Variants in PROM1 observed in about 807,000 individuals in gnomAD.
PROM1 encodes prominin-1.
PROM1 carries 105 observed loss-of-function variants against 116.9 expected under a neutral mutation model. The observed-to-expected ratio is 0.90, with a 90% CI of 0.77 to 1.06. The LOEUF is 1.06. Among genes scored for constraint, PROM1 ranks in the 50% least tolerant of loss-of-function variants. The pLI is 0.00. For synonymous variants in PROM1, 393 were observed against 387.0 expected (o/e 1.02, Z -0.18); for missense variants, 1,122 against 1,045.2 (o/e 1.07, Z -1.01).
At chr4:16,024,818 T>G (rs1232114642) in intron 6 of PROM1, among the ~76,000 whole-genome samples, 2 of 152,174 alleles carry the variant, frequency 1.3e-5, no homozygotes, top group Admixed American at 6.5e-5. Flanking sequence ...ATGGTTTCAT[T>G]ACAAGAGTAA....
intron 1 of PROM1, among the ~76,000 whole-genome samples, chr4:16,077,307 G>A (rs573956944): frequency 9.0e-4 from 137 of 152,248 alleles, no homozygotes; most frequent in Non-Finnish European, 1.8e-3. Flanking sequence ...GATGTTTATG[G>A]GTATGCATAT....
chr4:15,999,581 T>C (rs1245860083), intron 14 of PROM1, among the ~76,000 whole-genome samples: 1 of 152,116 alleles, frequency 6.6e-6, no homozygotes, highest in African/African-American at 2.4e-5. Flanking sequence ...TTTTGAAATA[T>C]CCCGTACTTA....
intron 2 of PROM1, among the ~76,000 whole-genome samples, chr4:16,052,519 C>G (rs1298046675): frequency 6.6e-6 from 1 of 152,204 alleles, no homozygotes. Context: ...CTTGGTCACT[C>G]AGGCTGGAGT....
Position 15,985,973 on chromosome 4 carries a change from G to T in PROM1, c.2195C>A (p.Ser732Tyr). 8.1e-7 allele frequency: 1 copy of T among 1,241,970 alleles called. No individual in the cohort carries two copies. The highest frequency in any genetic ancestry group is 1.6e-5 in the South Asian group (1 of 63,836). 76.9% of individuals were successfully genotyped at this position (1,241,970 alleles called of 1,614,324 possible). A position where few individuals can be genotyped will look rare whatever the true frequency, so the allele number is the denominator to read the frequency against. The stretch of plus-strand genomic sequence containing the variant: ...AAGGCTCACCTCAATAATAACAGAG[G>T]AAGTATTGTTTGTGATGAAGTTCTG... ...FAQNFITNNTSSVIIEETKKY... is the reference protein window; with the variant it reads ...FAQNFITNNTYSVIIEETKKY... Residue 732 changes from serine to tyrosine, a missense_variant, in exon 21 of 28, where the codon TCC becomes TAC. Ser to Tyr is a moderately radical substitution (Grantham distance 144). Transcript: ENST00000447510.
chr4:16,075,226 T>C (rs1254954075), intron 2 of PROM1, among the ~76,000 whole-genome samples: 1 of 152,194 alleles, frequency 6.6e-6, no homozygotes, highest in Non-Finnish European at 1.5e-5. Flanking sequence ...ATGTTTGTCC[T>C]TACCCTAAGC....
At chr4:15,996,357 A>G (rs978615919) in intron 15 of PROM1, among the ~76,000 whole-genome samples, 2 of 152,148 alleles carry the variant, frequency 1.3e-5, no homozygotes, top group African/African-American at 4.8e-5. Flanking sequence ...TAAAAATACA[A>G]AAATTAGCCA....
In PROM1 at chr4:15,969,215, C is replaced by G. The variant is rs1389473916; in HGVS notation, c.*178G>C. The G allele has an allele frequency of 1.3e-5, 2 of 152,184 alleles. No homozygotes were observed. The highest frequency in any genetic ancestry group is 2.9e-5 in the Non-Finnish European group (2 of 68,032). The allele number at this position is 152,184 out of a possible 1,614,324, so 9.4% of individuals were successfully genotyped here. ...GGACTATAACGTGATTGTGTTCATT[C>G]TTAAAGCACTACCCAGAGACCAATG... On this transcript the variant is annotated 3_prime_UTR_variant, in exon 28 of 28. Coordinates refer to ENST00000447510, the MANE Select transcript of PROM1 (RefSeq NM_006017.3).
chr4:16,064,850 A>G (rs1741152255), intron 2 of PROM1, among the ~76,000 whole-genome samples: 1 of 152,090 alleles, frequency 6.6e-6, no homozygotes, highest in Non-Finnish European at 1.5e-5. Flanking sequence ...CCGAGACTAC[A>G]CCATTGCACT....
chr4:15,997,415 C>T (rs1577922079), intron 15 of PROM1, among the ~76,000 whole-genome samples: 1 of 150,390 alleles, frequency 6.6e-6, no homozygotes, highest in Non-Finnish European at 1.5e-5. Flanking sequence ...TGGTAGTATA[C>T]ATCACCTGAG....
intron 14 of PROM1, among the ~76,000 whole-genome samples, chr4:15,999,021 C>A (rs1479884370): frequency 6.6e-6 from 1 of 152,038 alleles, no homozygotes; most frequent in African/African-American, 2.4e-5. Flanking sequence ...TGAGCCACCA[C>A]GCCGAGAACT....
Position 16,042,366 on chromosome 4 carries a change from G to T in PROM1, c.221-3365C>A, listed in dbSNP as rs960866991. ...GGGAGATGTGCAAAACTCAGTGAACGAATATTTTCCAAAAGATTCATGCAT... is the reference window on the plus strand; with the variant it reads ...GGGAGATGTGCAAAACTCAGTGAACTAATATTTTCCAAAAGATTCATGCAT... On this transcript the variant is annotated intron_variant, in intron 2 of 27. Coordinates refer to ENST00000447510, the MANE Select transcript of PROM1 (RefSeq NM_006017.3). Among the ~76,000 whole-genome samples, 4 of 152,232 alleles carry T rather than the reference G, an allele frequency of 2.6e-5. No homozygotes were observed. In the East Asian group the frequency reaches 7.7e-4, roughly 29 times the overall value.
At chr4:16,021,961 C>G (rs1476154046) in intron 8 of PROM1, among the ~76,000 whole-genome samples, 11 of 152,126 alleles carry the variant, frequency 7.2e-5, no homozygotes, top group Admixed American at 1.3e-4. Context: ...GGTCCCTAAT[C>G]CAACAGAACT....
At chr4:16,020,175 AC>A (rs753234950) in intron 8 of PROM1, among the ~76,000 whole-genome samples, 2 of 152,180 alleles carry the variant, frequency 1.3e-5, no homozygotes, top group Non-Finnish European at 2.9e-5. Flanking sequence ...TTGAGGATGT[AC>A]CCAGAGACCT....
chr4:15,994,827 A>AGCAACTTTCCC (rs1216766561), intron 15 of PROM1, among the ~76,000 whole-genome samples: 1 of 152,152 alleles, frequency 6.6e-6, no homozygotes, highest in Non-Finnish European at 1.5e-5. Flanking sequence ...GCCTGGAAGA[A>AGCAACTTTCCC]GCAACTTTCC....
chr4:16,017,745 C>T (rs534089087), intron 9 of PROM1, among the ~76,000 whole-genome samples: 353 of 152,156 alleles, frequency 2.3e-3, no homozygotes, highest in African/African-American at 8.2e-3. Flanking sequence ...CACTTGAACA[C>T]AAGAGGTTGG....
At position 15,979,476 on chromosome 4, in the gene PROM1, T is replaced by C; in HGVS notation, c.2514-13A>G. The C allele has an allele frequency of 1.2e-6, 2 of 1,602,164 alleles. No individual in the cohort carries two copies. Among genetic ancestry groups the C allele is most frequent in the Non-Finnish European group, 1.7e-6 (2 of 1,173,578 alleles). On this transcript the variant is annotated splice_polypyrimidine_tract_variant and intron_variant, in intron 25 of 27. Coordinates refer to ENST00000447510, the MANE Select transcript of PROM1 (RefSeq NM_006017.3). ...ACCATTTTCCATACTGTAACAGAAA[T>C]AAATACACCAAAAACACCATGTTAT...
intron 9 of PROM1, among the ~76,000 whole-genome samples, chr4:16,017,327 T>C (rs1728641607): frequency 6.6e-6 from 1 of 152,134 alleles, no homozygotes; most frequent in East Asian, 1.9e-4. Context: ...ACATGTTTGA[T>C]ACATATTAAA....
At chr4:16,068,701 G>T (rs1742105044) in intron 2 of PROM1, among the ~76,000 whole-genome samples, 1 of 152,144 alleles carries the variant, frequency 6.6e-6, no homozygotes, top group African/African-American at 2.4e-5. Context: ...AACTAAATTT[G>T]TTATAATTTT....
chr4:16,040,022 C>A (rs1734832566), intron 2 of PROM1, among the ~76,000 whole-genome samples: 1 of 152,074 alleles, frequency 6.6e-6, no homozygotes, highest in Admixed American at 6.6e-5. Flanking sequence ...CGGGTGCCTT[C>A]CCGCCACCTG....
Sources: allele counts gnomAD v4.1 joint callset (sites outside exome capture counted in the v4.1 genomes callset), GRCh38; gene constraint gnomAD v4.1.1; transcripts MANE v1.5; gene names NCBI Gene and HGNC (gene_info 2026-07-23, HGNC 2026-07-21).